NR2C2: variants seen among roughly 807,000 people sequenced by gnomAD.
NR2C2 encodes the protein Nuclear hormone receptor TR4.
A neutral mutation model predicts 62.9 loss-of-function variants in NR2C2; 6 were observed. The ratio of observed to expected loss-of-function variants is 0.10; its 90% CI spans 0.05 to 0.19. The LOEUF is 0.19. Ranked by LOEUF, NR2C2 falls within the 10% of genes least tolerant of loss-of-function variation. The probability of loss-of-function intolerance (pLI) is 1.00; values close to 1 mark genes in which losing one functional copy is unlikely to be tolerated. For synonymous variants in NR2C2, 272 were observed against 273.8 expected (o/e 0.99, Z 0.07); for missense variants, 479 against 762.7 (o/e 0.63, Z 4.38).
chr3:15,022,398 C>CCTT (rs1194260332), intron 5 of NR2C2, among the ~76,000 whole-genome samples: 15 of 89,134 alleles, frequency 1.7e-4, no homozygotes, highest in African/African-American at 5.2e-4. Flanking sequence ...CTTTTTCTTT[C>CCTT]TTTTTTTTTT....
At chr3:15,040,181 CAAAA>C (rs1010869763) in intron 13 of NR2C2, among the ~76,000 whole-genome samples, 3 of 149,280 alleles carry the variant, frequency 2.0e-5, no homozygotes, top group East Asian at 2.0e-4. Flanking sequence ...AAAAAAACAA[CAAAA>C]AAAAACCCTT....
In NR2C2 at chr3:15,029,800, G is replaced by C. The variant is rs938549692; in HGVS notation, c.933-475G>C. 5.6e-4 allele frequency among the ~76,000 whole-genome samples: 63 copies of C among 111,532 alleles called. 1 individual carries two copies. The highest frequency in any genetic ancestry group is 2.2e-3 in the African/African-American group (52 of 23,942). The allele number at this position is 111,532 out of a possible 152,430, so 73.2% of individuals were successfully genotyped here. ...TGAAAAAGTAAATAAATAATAGATA[G>C]ATAGATAGATAGATAGATAGATAGA... On this transcript the variant is annotated intron_variant, in intron 8 of 13. Coordinates refer to ENST00000425241, the MANE Select transcript of NR2C2 (RefSeq NM_001291694.2).
At chr3:14,988,634 C>G (rs1385547853) in intron 1 of NR2C2, among the ~76,000 whole-genome samples, 1 of 152,182 alleles carries the variant, frequency 6.6e-6, no homozygotes, top group African/African-American at 2.4e-5. Flanking sequence ...TACTTATTCA[C>G]TTAGTGAATA....
intron 9 of NR2C2, 145 bp downstream of exon 9, chr3:15,030,597 G>C (rs2041956971): frequency 4.0e-6 from 3 of 747,644 alleles, no homozygotes; most frequent in Non-Finnish European, 4.1e-6. Context: ...GGAGGCCAAG[G>C]CACGTGGATC....
intron 3 of NR2C2, among the ~76,000 whole-genome samples, chr3:15,015,741 T>C (rs1212750751): frequency 6.6e-6 from 1 of 152,236 alleles, no homozygotes; most frequent in African/African-American, 2.4e-5. Context: ...TCCAGAGTTC[T>C]GCTTAAAAAC....
intron 1 of NR2C2, among the ~76,000 whole-genome samples, chr3:14,978,442 G>A (rs1014973243): frequency 6.6e-6 from 1 of 152,130 alleles, no homozygotes; most frequent in African/African-American, 2.4e-5. Context: ...AAAACAGAAT[G>A]GTCATCTAGG....
intron 1 of NR2C2, among the ~76,000 whole-genome samples, chr3:14,957,321 T>C (rs1374314328): frequency 6.6e-6 from 1 of 152,208 alleles, no homozygotes; most frequent in Non-Finnish European, 1.5e-5. Context: ...AAACTGGAGA[T>C]TCAGGTGTTT....
Position 15,046,615 on chromosome 3 carries a change from T to C in NR2C2, c.*3607T>C, listed in dbSNP as rs1265463324. ...TGTACATCCATGTTCTGGGACCTGA[T>C]CTCATTGGAGTCCAGAAGCTTGTTG... On this transcript the variant is annotated 3_prime_UTR_variant, in exon 14 of 14. Transcript: ENST00000425241. The C allele has an allele frequency of 6.6e-6, 1 of 152,284 alleles. No individual in the cohort carries two copies. Among genetic ancestry groups the C allele is most frequent in the Admixed American group, 6.5e-5 (1 of 15,286 alleles). 9.4% of individuals were successfully genotyped at this position (152,284 alleles called of 1,614,324 possible). A position where few individuals can be genotyped will look rare whatever the true frequency, so the allele number is the denominator to read the frequency against.
intron 1 of NR2C2, among the ~76,000 whole-genome samples, chr3:14,978,677 G>T (rs1158641234): frequency 6.6e-6 from 1 of 152,136 alleles, no homozygotes; most frequent in Non-Finnish European, 1.5e-5. Flanking sequence ...AGGGGATAGG[G>T]TTGGCAGCAT....
intron 7 of NR2C2, among the ~76,000 whole-genome samples, chr3:15,027,893 A>C (rs144700768): frequency 1.3e-5 from 2 of 150,290 alleles, no homozygotes; most frequent in Non-Finnish European, 1.5e-5. Flanking sequence ...TTGACATGGA[A>C]TCTTACTCTG....
chr3:15,008,998 A>G (rs972003289), intron 2 of NR2C2, among the ~76,000 whole-genome samples: 6 of 152,168 alleles, frequency 3.9e-5, no homozygotes, highest in Admixed American at 6.5e-5. Context: ...AGGTGGACGG[A>G]TCACCTGAGG....
At chr3:15,005,691 C>T (rs1171586759) in intron 2 of NR2C2, among the ~76,000 whole-genome samples, 1 of 151,970 alleles carries the variant, frequency 6.6e-6, no homozygotes, top group African/African-American at 2.4e-5. Context: ...CCACTGTCAG[C>T]TTCTCCATCC....
intron 13 of NR2C2, among the ~76,000 whole-genome samples, chr3:15,040,190 AC>A (rs2042217651): frequency 6.6e-6 from 1 of 151,770 alleles, no homozygotes; most frequent in African/African-American, 2.4e-5. Flanking sequence ...ACAAAAAAAA[AC>A]CCTTTCTCGT....
At chr3:15,025,031 T>A (rs986528429) in intron 7 of NR2C2, among the ~76,000 whole-genome samples, 1 of 152,220 alleles carries the variant, frequency 6.6e-6, no homozygotes, top group Non-Finnish European at 1.5e-5. Flanking sequence ...CATGCCTTGG[T>A]CCTCAGGCTG....
At chr3:14,990,411 T>C (rs961128564) in intron 1 of NR2C2, among the ~76,000 whole-genome samples, 2 of 152,212 alleles carry the variant, frequency 1.3e-5, no homozygotes, top group Non-Finnish European at 2.9e-5. Context: ...ACAAACTGTT[T>C]CAGCAGCTGG....
chr3:14,999,018 A>C (rs1029760002), intron 1 of NR2C2, among the ~76,000 whole-genome samples: 11 of 152,056 alleles, frequency 7.2e-5, no homozygotes, highest in Admixed American at 3.9e-4. Flanking sequence ...AAAAAACAAA[A>C]AAAAAATTTT....
At chr3:14,985,892 A>G (rs1471851393) in intron 1 of NR2C2, among the ~76,000 whole-genome samples, 1 of 152,204 alleles carries the variant, frequency 6.6e-6, no homozygotes, top group Non-Finnish European at 1.5e-5. Context: ...CTAGAAGTAG[A>G]ATTTGAAATT....
chr3:14,948,748 C>T (rs539272229), intron 1 of NR2C2: 75 of 152,364 alleles, frequency 4.9e-4, no homozygotes, highest in African/African-American at 1.6e-3. Flanking sequence ...ATTTCGAGTC[C>T]ACGATGCGCT....
rs2041064952 is a variant in NR2C2, at chr3:15,003,049, G to A, written c.-39-827G>A. Among the ~76,000 whole-genome samples, 4 of 151,028 alleles carry A rather than the reference G, an allele frequency of 2.6e-5. No individual in the cohort carries two copies. In the South Asian group the frequency reaches 8.4e-4, roughly 32 times the overall value. On this transcript the variant is annotated intron_variant, in intron 1 of 13. Transcript: ENST00000425241. Reference sequence around the variant, plus strand: ...CAGCCTCCACCTCCCTGGTTCAAGCGATTCTCCTGCCTCAGCCACACGAGT... The same window carrying A: ...CAGCCTCCACCTCCCTGGTTCAAGCAATTCTCCTGCCTCAGCCACACGAGT...
Sources: gnomAD v4.1 joint callset for allele counts (sites outside exome capture counted in the v4.1 genomes callset) on GRCh38, gnomAD v4.1.1 for gene constraint, MANE v1.5 for transcripts, NCBI Gene and HGNC (gene_info 2026-07-23, HGNC 2026-07-21) for gene names.